Variants in NRG1 observed in about 807,000 individuals in gnomAD.
NRG1 encodes the protein neuregulin 1, also known as pro-neuregulin-1, membrane-bound isoform.
A neutral mutation model predicts 63.8 loss-of-function variants in NRG1; 18 were observed. That is an observed-to-expected ratio of 0.28 (90% CI 0.19 to 0.42). NRG1 has a LOEUF of 0.42. Ranked by LOEUF, NRG1 falls within the 10% of genes least tolerant of loss-of-function variation. The probability of loss-of-function intolerance (pLI) is 1.00; values close to 1 mark genes in which losing one functional copy is unlikely to be tolerated. For synonymous variants in NRG1, 302 were observed against 301.3 expected (o/e 1.00, Z -0.02); for missense variants, 762 against 814.7 (o/e 0.94, Z 0.79).
intron 1 of NRG1, among the ~76,000 whole-genome samples, chr8:31,962,288 C>G (rs1805589786): frequency 6.6e-6 from 1 of 152,122 alleles, no homozygotes; most frequent in Non-Finnish European, 1.5e-5. Flanking sequence ...GTGTGACTGA[C>G]CTAGAGTTAC....
At chr8:32,509,664 A>G (rs1368274377) in intron 1 of NRG1, among the ~76,000 whole-genome samples, 1 of 152,154 alleles carries the variant, frequency 6.6e-6, no homozygotes, top group Non-Finnish European at 1.5e-5. Flanking sequence ...AATAGAGAAA[A>G]GAGACAGCAG....
chr8:32,371,832 C>T (rs913235561), intron 1 of NRG1, among the ~76,000 whole-genome samples: 1 of 152,134 alleles, frequency 6.6e-6, no homozygotes, highest in African/African-American at 2.4e-5. Flanking sequence ...CCAGCCCGCT[C>T]AGGCTGCCCC....
intron 1 of NRG1, among the ~76,000 whole-genome samples, chr8:32,284,937 G>C (rs1434103265): frequency 6.6e-6 from 1 of 152,100 alleles, no homozygotes; most frequent in Non-Finnish European, 1.5e-5. Flanking sequence ...CAACTGGCAC[G>C]GTAAAGAATG....
intron 1 of NRG1, among the ~76,000 whole-genome samples, chr8:32,285,773 C>T (rs558812640): frequency 1.8e-4 from 27 of 152,080 alleles, no homozygotes; most frequent in African/African-American, 5.3e-4. Context: ...GTTTTTATGG[C>T]GAACAGAAAG....
At chr8:32,284,485 GCCTGCCTTCCTT>G (rs1293428862) in intron 1 of NRG1, among the ~76,000 whole-genome samples, 11 of 116,046 alleles carry the variant, frequency 9.5e-5, no homozygotes, top group South Asian at 2.9e-4. Flanking sequence ...CTCCCTGCCT[GCCTGCCTTCCTT>G]CCTTCCTTCC....
At chr8:32,613,081 G>C (rs1180090036) in intron 3 of NRG1, among the ~76,000 whole-genome samples, 1 of 151,994 alleles carries the variant, frequency 6.6e-6, no homozygotes, top group Non-Finnish European at 1.5e-5. Flanking sequence ...TTTCTCGCCT[G>C]ATGCTTGAGA....
intron 1 of NRG1, among the ~76,000 whole-genome samples, chr8:31,916,846 T>C (rs61585160): frequency 0.2 from 29,946 of 149,890 alleles, 3,325 homozygotes; most frequent in Non-Finnish European, 0.23. Flanking sequence ...TCCTATTTCT[T>C]CACATCCTCT....
intron 1 of NRG1, among the ~76,000 whole-genome samples, chr8:32,290,135 G>A (rs532565613): frequency 3.0e-4 from 46 of 152,058 alleles, no homozygotes; most frequent in Non-Finnish European, 6.3e-4. Context: ...TAGCTATTTG[G>A]GAGGCTAAGG....
intron 1 of NRG1, among the ~76,000 whole-genome samples, chr8:32,280,700 T>TTG (rs1554496216): frequency 2.4e-4 from 32 of 133,556 alleles, no homozygotes; most frequent in Non-Finnish European, 4.4e-4. Context: ...TGTTTTTTTT[T>TTG]TTTTTTTTTT....
At chr8:31,858,560 G>C (rs1225131376) in intron 1 of NRG1, among the ~76,000 whole-genome samples, 4 of 152,140 alleles carry the variant, frequency 2.6e-5, no homozygotes, top group Admixed American at 6.5e-5. Context: ...CCAGCTCAGT[G>C]GTTGGACCAA....
chr8:32,437,771 AG>A (rs1818973287), intron 1 of NRG1, among the ~76,000 whole-genome samples: 1 of 152,004 alleles, frequency 6.6e-6, no homozygotes, highest in African/African-American at 2.4e-5. Context: ...CTATGTTTTC[AG>A]TAGGACATAT....
At chr8:32,412,255 C>T (rs1815069399) in intron 1 of NRG1, among the ~76,000 whole-genome samples, 1 of 151,792 alleles carries the variant, frequency 6.6e-6, no homozygotes, top group Non-Finnish European at 1.5e-5. Context: ...ACCATTGGCT[C>T]TCCTGGTTCT....
chr8:31,740,671 ATG>A (rs1264889469), intron 1 of NRG1, among the ~76,000 whole-genome samples: 3 of 145,800 alleles, frequency 2.1e-5, no homozygotes, highest in Non-Finnish European at 3.1e-5. Context: ...GTGTGAGTGC[ATG>A]TGTGTGTGTG....
chr8:32,480,273 AAGGTGATTACC>A lies in NRG1; in HGVS notation c.38-115550_38-115540del, dbSNP rs557879746. On this transcript the variant is annotated intron_variant, in intron 1 of 10. Transcript: ENST00000519301. The stretch of plus-strand genomic sequence containing the variant: ...AAGTCAGCCTCATGGAAACAGTAGA[AAGGTGATTACC>A]AGGTCTGGGGGCTAGGAGAGAGATA... Among the ~76,000 whole-genome samples, 15 of 152,248 alleles carry A rather than the reference AAGGTGATTACC, an allele frequency of 9.9e-5. No homozygotes were observed. In the South Asian group the frequency reaches 3.1e-3, roughly 32 times the overall value.
intron 1 of NRG1, among the ~76,000 whole-genome samples, chr8:31,803,164 A>C (rs1056658802): frequency 3.3e-5 from 5 of 152,226 alleles, no homozygotes; most frequent in Non-Finnish European, 7.3e-5. Flanking sequence ...AAAGGGAAAT[A>C]AAGCAGGGAG....
chr8:32,494,789 G>T (rs1287885318), intron 1 of NRG1, among the ~76,000 whole-genome samples: 1 of 152,126 alleles, frequency 6.6e-6, no homozygotes, highest in Non-Finnish European at 1.5e-5. Context: ...TCATCCTTCA[G>T]TTCCCTTTTG....
At chr8:31,886,001 T>A (rs564232819) in intron 1 of NRG1, among the ~76,000 whole-genome samples, 1 of 152,154 alleles carries the variant, frequency 6.6e-6, no homozygotes, top group East Asian at 1.9e-4. Flanking sequence ...AAGAAACAAA[T>A]GTATTTGTTT....
chr8:31,883,544 A>G (rs1585486994), intron 1 of NRG1, among the ~76,000 whole-genome samples: 1 of 152,270 alleles, frequency 6.6e-6, no homozygotes, highest in East Asian at 1.9e-4. Flanking sequence ...CTGTTTCAAA[A>G]GTGTTCCTTT....
intron 1 of NRG1, among the ~76,000 whole-genome samples, chr8:32,174,891 T>A (rs1407874079): frequency 3.3e-5 from 5 of 152,162 alleles, no homozygotes; most frequent in Non-Finnish European, 7.3e-5. Context: ...ACAGCCAAAT[T>A]CTACCGAGGT....
Sources: allele counts gnomAD v4.1 joint callset (sites outside exome capture counted in the v4.1 genomes callset), GRCh38; gene constraint gnomAD v4.1.1; transcripts MANE v1.5; gene names NCBI Gene and HGNC (gene_info 2026-07-23, HGNC 2026-07-21).